WARS2: variants seen among roughly 807,000 people sequenced by gnomAD.
WARS2 encodes tryptophan--tRNA ligase, mitochondrial.
In WARS2, 28 loss-of-function variants were observed where a neutral mutation model predicts 36.5. The ratio of observed to expected loss-of-function variants is 0.77; its 90% CI spans 0.57 to 1.05. WARS2 has a LOEUF of 1.05. Ranked by LOEUF, WARS2 falls within the 50% of genes least tolerant of loss-of-function variation. The pLI is 0.00. For synonymous variants in WARS2, 174 were observed against 178.4 expected (o/e 0.98, Z 0.20); for missense variants, 435 against 456.8 (o/e 0.95, Z 0.44).
At chr1:119,094,511 T>G (rs35497565) in intron 1 of WARS2, among the ~76,000 whole-genome samples, 9,068 of 152,176 alleles carry the variant, frequency 0.06, 528 homozygotes, top group East Asian at 0.22. Flanking sequence ...CAAGTAAATA[T>G]GTCTTTAAAT....
intron 1 of WARS2, among the ~76,000 whole-genome samples, chr1:119,125,053 G>A (rs934145409): frequency 6.6e-6 from 1 of 152,154 alleles, no homozygotes; most frequent in South Asian, 2.1e-4. Context: ...GTTAATGCTT[G>A]TGAAGTATTT....
At chr1:119,056,665 A>G (rs142757734) in intron 2 of WARS2, among the ~76,000 whole-genome samples, 6 of 151,506 alleles carry the variant, frequency 4.0e-5, no homozygotes, top group Non-Finnish European at 7.4e-5. Context: ...CTATACACCA[A>G]TCAAGATACA....
chr1:119,036,162 T>C (rs1311988050), intron 4 of WARS2, among the ~76,000 whole-genome samples: 2 of 152,046 alleles, frequency 1.3e-5, no homozygotes, highest in African/African-American at 4.8e-5. Flanking sequence ...TGAGCCAAGA[T>C]TGCGCCATTG....
At chr1:119,108,260 T>C (rs1329908658) in intron 1 of WARS2, among the ~76,000 whole-genome samples, 1 of 152,082 alleles carries the variant, frequency 6.6e-6, no homozygotes, top group Non-Finnish European at 1.5e-5. Context: ...AGAGAATCGG[T>C]ACAATTTCTT....
chr1:119,071,243 A>G (rs902816426), intron 2 of WARS2, among the ~76,000 whole-genome samples: 2 of 152,202 alleles, frequency 1.3e-5, no homozygotes, highest in East Asian at 3.8e-4. Flanking sequence ...ACTGTTGGTG[A>G]GAAAGTAAGT....
At chr1:119,041,994 T>C (rs769155599) in intron 4 of WARS2, among the ~76,000 whole-genome samples, 1 of 152,230 alleles carries the variant, frequency 6.6e-6, no homozygotes, top group South Asian at 2.1e-4. Flanking sequence ...GTACTTACAA[T>C]GGTTTCCAAC....
Position 119,033,132 on chromosome 1 carries a change from C to T in WARS2, c.862G>A (p.Glu288Lys). 6.2e-7 allele frequency: 1 copy of T among 1,614,180 alleles called. No individual in the cohort carries two copies. Among genetic ancestry groups the T allele is most frequent in the East Asian group, 2.2e-5 (1 of 44,884 alleles). ...VHAAVTGLSV[E>K]EVVRRSAGMN... ...CCCGCGCTGCGGCGCACCACTTCCT[C>T]CACGGAGAGCCCCGTCACCGCGGCA... Residue 288 changes from glutamate to lysine, a missense_variant, in exon 6 of 6, where the codon GAG (glutamate) becomes AAG (lysine). Physicochemically the swap from Glu to Lys is moderately conservative, Grantham distance 56. Transcript: ENST00000235521.
chr1:119,052,442 T>A (rs192593568), intron 2 of WARS2, among the ~76,000 whole-genome samples: 234 of 152,344 alleles, frequency 1.5e-3, no homozygotes, highest in African/African-American at 5.5e-3. Flanking sequence ...TAACAGGAAC[T>A]CTGGGGTTCT....
intron 1 of WARS2, among the ~76,000 whole-genome samples, chr1:119,086,285 T>C (rs895711789): frequency 1.3e-5 from 2 of 152,208 alleles, no homozygotes; most frequent in African/African-American, 4.8e-5. Flanking sequence ...CACATCCACA[T>C]TGACACCTGC....
chr1:119,090,954 T>A (rs1653002613), intron 1 of WARS2, among the ~76,000 whole-genome samples: 1 of 152,174 alleles, frequency 6.6e-6, no homozygotes, highest in Non-Finnish European at 1.5e-5. Context: ...AGTTGATATG[T>A]AACTAAAAGA....
At position 119,076,487 on chromosome 1, in the gene WARS2, A is replaced by G; in HGVS notation, c.211T>C (p.Tyr71His). 3.1e-6 allele frequency: 5 copies of G among 1,614,178 alleles called. No homozygotes were observed. Among genetic ancestry groups the G allele is most frequent in the Non-Finnish European group, 4.2e-6 (5 of 1,180,022 alleles). Residue 71 changes from tyrosine to histidine, a missense_variant, in exon 2 of 6, where the codon TAC (tyrosine) becomes CAC (histidine). Transcript: ENST00000235521. ...ATGGAGTGGAGGTCAACAATGCTGT[A>G]TAATACAGAGTCATATTCATCCTGT... is the stretch of plus-strand genomic sequence containing the variant. ...RLQDEYDSVL[Y>H]SIVDLHSITV...
Position 119,032,777 on chromosome 1 carries a change from C to T in WARS2, c.*134G>A, listed in dbSNP as rs999818329. The T allele has an allele frequency of 8.4e-6, 7 of 829,680 alleles. No individual in the cohort carries two copies. In the African/African-American group the frequency reaches 1.2e-4, roughly 14 times the overall value. The allele number at this position is 829,680 out of a possible 1,614,324, so 51.4% of individuals were successfully genotyped here. On this transcript the variant is annotated 3_prime_UTR_variant, in exon 6 of 6. Transcript: ENST00000235521. Reference sequence around the variant, plus strand: ...TTCAAAGCTACAAAGCAATATTCATCAAATAAAGCCAATAATCAGCTATAC... The same window carrying T: ...TTCAAAGCTACAAAGCAATATTCATTAAATAAAGCCAATAATCAGCTATAC...
intron 1 of WARS2, among the ~76,000 whole-genome samples, chr1:119,131,464 TG>T (rs200544980): frequency 0.014 from 1,964 of 144,038 alleles, 124 homozygotes; most frequent in African/African-American, 0.049. Context: ...TTTTGTTTTT[TG>T]TTTTTTTTTT....
intron 1 of WARS2, among the ~76,000 whole-genome samples, chr1:119,116,813 G>C (rs906062143): frequency 2.0e-5 from 3 of 152,174 alleles, no homozygotes; most frequent in African/African-American, 7.2e-5. Context: ...AGTGGAACTG[G>C]GGAGAGGCCA....
At chr1:119,080,766 G>T (rs1188442687) in intron 1 of WARS2, among the ~76,000 whole-genome samples, 1 of 152,164 alleles carries the variant, frequency 6.6e-6, no homozygotes, top group African/African-American at 2.4e-5. Flanking sequence ...GAGGATGGGG[G>T]TTCTGTGTTC....
chr1:119,099,378 C>T (rs1479779450), intron 1 of WARS2, among the ~76,000 whole-genome samples: 1 of 152,158 alleles, frequency 6.6e-6, no homozygotes, highest in Non-Finnish European at 1.5e-5. Flanking sequence ...TTAAGAATCT[C>T]AAAATCAATA....
At chr1:119,081,336 C>T (rs909093070) in intron 1 of WARS2, among the ~76,000 whole-genome samples, 4 of 152,190 alleles carry the variant, frequency 2.6e-5, no homozygotes, top group Non-Finnish European at 5.9e-5. Context: ...TAAGATCCAT[C>T]AAAAGAAGGC....
chr1:119,138,837 C>G (rs1656714067), intron 1 of WARS2, among the ~76,000 whole-genome samples: 1 of 152,166 alleles, frequency 6.6e-6, no homozygotes. Flanking sequence ...AATTCTACAT[C>G]TTGAAACAAT....
intron 2 of WARS2, among the ~76,000 whole-genome samples, chr1:119,067,742 C>G (rs1364787441): frequency 6.6e-6 from 1 of 151,862 alleles, no homozygotes; most frequent in Admixed American, 6.6e-5. Context: ...AGCCACTTGC[C>G]CATAGTCTCA....
Sources: gnomAD v4.1 joint callset for allele counts (sites outside exome capture counted in the v4.1 genomes callset) on GRCh38, gnomAD v4.1.1 for gene constraint, MANE v1.5 for transcripts, NCBI Gene and HGNC (gene_info 2026-07-23, HGNC 2026-07-21) for gene names.